The following ABHD2 variants were observed in gnomAD, a reference collection of about 807,000 sequenced individuals.
ABHD2 encodes abhydrolase domain containing 2, acylglycerol lipase.
In ABHD2, 20 loss-of-function variants were observed where a neutral mutation model predicts 48.1. That is an observed-to-expected ratio of 0.42 (90% confidence interval 0.29 to 0.60). ABHD2 has a LOEUF of 0.60. Among genes scored for constraint, ABHD2 ranks in the 20% least tolerant of loss-of-function variants. The pLI is 0.24. For missense variants in ABHD2, 405 were observed against 550.9 expected, an observed-to-expected ratio of 0.74 and a Z score of 2.65; for synonymous variants, 209 against 214.2, an observed-to-expected ratio of 0.98 and a Z score of 0.21.
chr15:89,142,936 A>G (rs796211133), intron 3 of ABHD2, among the ~76,000 whole-genome samples: 39 of 152,304 alleles, frequency 2.6e-4, no homozygotes, highest in African/African-American at 9.1e-4. Context: ...GGCTAACATT[A>G]AAGAATTTTT....
rs1008326134 is a variant in ABHD2 at position 89,144,628 on chromosome 15, A to G, written c.195-7049A>G. On this transcript the variant is annotated intron_variant, in intron 3 of 10. Coordinates refer to ENST00000352732, the MANE Select transcript of ABHD2 (RefSeq NM_152924.5). ...TGATAATTCTGTTGATAAGAAATAT[A>G]CAGAATATGTCAACCTACAGAGACA... Among the ~76,000 whole-genome samples the G allele has an allele frequency of 2.0e-5, 3 of 152,232 alleles. No homozygotes were observed. In the East Asian group the frequency reaches 5.8e-4, roughly 29 times the overall value.
chr15:89,181,561 T>C lies in ABHD2; in HGVS notation c.723-3863T>C, dbSNP rs573155967. Among the ~76,000 whole-genome samples the C allele has an allele frequency of 2.0e-5, 3 of 152,312 alleles. No homozygotes were observed. In the South Asian group the frequency reaches 6.2e-4, roughly 32 times the overall value. Reference sequence around the variant, plus strand: ...AGGTCATGCTTGCCCATCCCACTCTTACAGAACCTCATTCTCATTCTCCAT... The same window carrying C: ...AGGTCATGCTTGCCCATCCCACTCTCACAGAACCTCATTCTCATTCTCCAT... On this transcript the variant is annotated intron_variant, in intron 6 of 10. Coordinates refer to ENST00000352732, the MANE Select transcript of ABHD2 (RefSeq NM_152924.5).
At chr15:89,153,302 C>T (rs1193415979) in intron 4 of ABHD2, among the ~76,000 whole-genome samples, 1 of 152,166 alleles carries the variant, frequency 6.6e-6, no homozygotes, top group African/African-American at 2.4e-5. Flanking sequence ...CCCAGAGCCC[C>T]GAATAGCTGG....
the ABHD2 span, among the ~76,000 whole-genome samples, chr15:89,056,485 A>G: frequency 6.6e-6 from 1 of 152,156 alleles, no homozygotes; most frequent in East Asian, 1.9e-4. Context: ...TACTAAAAAT[A>G]CAAAAAAATT....
the ABHD2 span, among the ~76,000 whole-genome samples, chr15:89,061,959 G>A: frequency 6.6e-6 from 1 of 152,162 alleles, no homozygotes; most frequent in African/African-American, 2.4e-5. Flanking sequence ...CTGTGCCATA[G>A]TTTGCATGAT....
chr15:89,189,726 A>G lies in ABHD2; in HGVS notation c.927-1354A>G, dbSNP rs1206266225. 3.3e-5 allele frequency among the ~76,000 whole-genome samples: 5 copies of G among 152,178 alleles called. No homozygotes were observed. The highest frequency in any genetic ancestry group is 1.9e-4 in the East Asian group (1 of 5,188). On this transcript the variant is annotated intron_variant, in intron 8 of 10. Coordinates refer to ENST00000352732, the MANE Select transcript of ABHD2 (RefSeq NM_152924.5). The surrounding 1 kb of genome is among the most constrained non-coding windows in gnomAD (Gnocchi z 4.9). ...AATTGCTGGTATGTTCAGAAGGTGA[A>G]AAATGAATCTTACCCACCCTCACTT...
rs74621480 is a variant in ABHD2, at chr15:89,091,427, G to T, written c.-107+2864G>T. ...AATAATAGTTTTCATTTCTTTGCTT[G>T]TGTATTAATATGGGCCCCTTTCTCT... On this transcript the variant is annotated intron_variant, in intron 1 of 10. Transcript: ENST00000352732. This position sits in a 1 kb window ranked among gnomAD's most constrained non-coding sequence, Gnocchi z 5.5. 0.026 allele frequency among the ~76,000 whole-genome samples: 3,916 copies of T among 152,268 alleles called. 145 individuals are homozygous for T. Among genetic ancestry groups the T allele is most frequent in the African/African-American group, 0.088 (3,669 of 41,548 alleles).
chr15:89,138,723 A>G (rs1222583985), intron 3 of ABHD2, among the ~76,000 whole-genome samples: 1 of 152,220 alleles, frequency 6.6e-6, no homozygotes, highest in Non-Finnish European at 1.5e-5. Flanking sequence ...ACATTTTGAC[A>G]GTTGATCAGA....
the ABHD2 span, among the ~76,000 whole-genome samples, chr15:89,076,922 G>A: frequency 6.6e-6 from 1 of 152,284 alleles, no homozygotes; most frequent in East Asian, 1.9e-4. Context: ...AAAGACCCTT[G>A]TTCTCTGGAT....
At chr15:89,156,964 A>C (rs1338635319) in intron 5 of ABHD2, among the ~76,000 whole-genome samples, 1 of 152,202 alleles carries the variant, frequency 6.6e-6, no homozygotes, top group African/African-American at 2.4e-5. Context: ...TATTTCTTCC[A>C]ACTACCCTTC....
chr15:89,045,045 G>T, the ABHD2 span, among the ~76,000 whole-genome samples: 1 of 152,050 alleles, frequency 6.6e-6, no homozygotes, highest in Non-Finnish European at 1.5e-5. Context: ...TAGGTCTAAC[G>T]TTTAAGTCTT....
chr15:89,132,703 G>T (rs1216487194), intron 3 of ABHD2, among the ~76,000 whole-genome samples: 6 of 152,146 alleles, frequency 3.9e-5, no homozygotes, highest in Admixed American at 2.0e-4. Context: ...CTAATAATAA[G>T]CAGTGACACC....
chr15:89,058,339 C>T, the ABHD2 span, among the ~76,000 whole-genome samples: 9 of 152,288 alleles, frequency 5.9e-5, no homozygotes, highest in Middle Eastern at 3.4e-3. Context: ...AAACAGCTAC[C>T]CCTTGGCCAC....
intron 3 of ABHD2, among the ~76,000 whole-genome samples, chr15:89,148,154 A>G (rs983512971): frequency 1.3e-5 from 2 of 151,602 alleles, no homozygotes; most frequent in Non-Finnish European, 2.9e-5. Context: ...ACATAAAATA[A>G]AGTTAAAATA....
At chr15:89,115,487 G>A (rs1186629532) in intron 2 of ABHD2, among the ~76,000 whole-genome samples, 7 of 151,154 alleles carry the variant, frequency 4.6e-5, no homozygotes, top group Non-Finnish European at 7.4e-5. Flanking sequence ...GCTTGGGAAA[G>A]GCCAGATGAG....
At chr15:89,140,702 C>T (rs1012831597) in intron 3 of ABHD2, among the ~76,000 whole-genome samples, 2 of 152,150 alleles carry the variant, frequency 1.3e-5, no homozygotes, top group Non-Finnish European at 2.9e-5. Flanking sequence ...CCTCACGTCA[C>T]CTCTGCTGGT....
At chr15:89,160,271 G>A (rs2050741905) in intron 5 of ABHD2, among the ~76,000 whole-genome samples, 1 of 152,154 alleles carries the variant, frequency 6.6e-6, no homozygotes, top group Non-Finnish European at 1.5e-5. Flanking sequence ...TGCTAGAACT[G>A]GAAACCTTTT....
the ABHD2 span, among the ~76,000 whole-genome samples, chr15:89,069,158 C>T: frequency 3.5e-5 from 5 of 141,212 alleles, no homozygotes; most frequent in Non-Finnish European, 7.5e-5. Context: ...TAGGATCTCT[C>T]TCTGTTGCCC....
chr15:89,159,113 A>C (rs893925467), intron 5 of ABHD2, among the ~76,000 whole-genome samples: 1 of 152,000 alleles, frequency 6.6e-6, no homozygotes, highest in African/African-American at 2.4e-5. Context: ...ACGGTGGCTC[A>C]TGCCTGTAAT....
Sources: gnomAD v4.1 joint callset for allele counts (sites outside exome capture counted in the v4.1 genomes callset) on GRCh38, gnomAD v4.1.1 for gene constraint, Gnocchi (gnomAD v3.1) non-coding constraint, MANE v1.5 for transcripts, NCBI Gene and HGNC (gene_info 2026-07-23, HGNC 2026-07-21) for gene names.